The following PLXDC2 variants were observed in gnomAD, a reference collection of about 807,000 sequenced individuals.
PLXDC2 encodes plexin domain-containing protein 2.
A neutral mutation model predicts 68.9 loss-of-function variants in PLXDC2; 40 were observed. That is an observed-to-expected ratio of 0.58 (90% CI 0.45 to 0.76). The LOEUF is 0.76. Ranked by LOEUF, PLXDC2 falls within the 30% of genes least tolerant of loss-of-function variation. The pLI is 0.00. For synonymous variants in PLXDC2, 243 were observed against 234.2 expected, an observed-to-expected ratio of 1.04 and a Z score of -0.34; for missense variants, 644 against 661.9, an observed-to-expected ratio of 0.97 and a Z score of 0.30.
chr10:20,050,492 T>C (rs1463881754), intron 3 of PLXDC2, among the ~76,000 whole-genome samples: 2 of 151,938 alleles, frequency 1.3e-5, no homozygotes, highest in African/African-American at 2.4e-5. Flanking sequence ...CCAGCATCTA[T>C]AGGGAACTTA....
intron 13 of PLXDC2, among the ~76,000 whole-genome samples, chr10:20,261,310 T>G (rs571610532): frequency 6.6e-6 from 1 of 152,322 alleles, no homozygotes; most frequent in South Asian, 2.1e-4. Context: ...TTCTAGGAAT[T>G]TGATGGCTTC....
At chr10:20,178,992 A>T (rs755680879) in intron 9 of PLXDC2, among the ~76,000 whole-genome samples, 7 of 152,166 alleles carry the variant, frequency 4.6e-5, no homozygotes, top group Non-Finnish European at 1.0e-4. Context: ...AGTTTTCCAT[A>T]AAGATTATAT....
chr10:20,277,105 A>G (rs1489707215), intron 13 of PLXDC2, among the ~76,000 whole-genome samples: 1 of 147,632 alleles, frequency 6.8e-6, no homozygotes, highest in East Asian at 2.1e-4. Flanking sequence ...GCTACTCAGG[A>G]GGCTGAGGCA....
chr10:20,051,224 A>T (rs566709318), intron 3 of PLXDC2, among the ~76,000 whole-genome samples: 127 of 151,726 alleles, frequency 8.4e-4, no homozygotes, highest in African/African-American at 2.9e-3. Context: ...CAGACGCCGG[A>T]GTCTACTTAA....
At chr10:20,154,028 A>T (rs16919963) in intron 6 of PLXDC2, among the ~76,000 whole-genome samples, 93,030 of 151,860 alleles carry the variant, frequency 0.61, 28,859 homozygotes, top group Middle Eastern at 0.71. Flanking sequence ...ATAATTTTTT[A>T]AATGAAAGAA....
chr10:20,087,190 G>T (rs752956827), intron 4 of PLXDC2, among the ~76,000 whole-genome samples: 3 of 152,156 alleles, frequency 2.0e-5, no homozygotes, highest in Non-Finnish European at 4.4e-5. Flanking sequence ...TTGTAGCAAG[G>T]CTAGGCAGGT....
intron 5 of PLXDC2, among the ~76,000 whole-genome samples, chr10:20,145,589 G>A (rs1189063330): frequency 2.6e-5 from 4 of 151,968 alleles, no homozygotes; most frequent in Admixed American, 1.3e-4. Context: ...TCACTCTGTC[G>A]CCCAGGCTGG....
intron 1 of PLXDC2, among the ~76,000 whole-genome samples, chr10:19,898,238 G>C (rs1203655960): frequency 6.6e-6 from 1 of 152,112 alleles, no homozygotes; most frequent in Non-Finnish European, 1.5e-5. Flanking sequence ...ACATGTGCAG[G>C]CTTGTTACTA....
intron 1 of PLXDC2, among the ~76,000 whole-genome samples, chr10:19,877,242 G>T (rs551310514): frequency 6.6e-6 from 1 of 151,198 alleles, no homozygotes; most frequent in Admixed American, 6.6e-5. Flanking sequence ...AAGAGAGAGA[G>T]GGAGGGGAGA....
chr10:20,079,730 C>A (rs775931225), intron 4 of PLXDC2, among the ~76,000 whole-genome samples: 1 of 151,910 alleles, frequency 6.6e-6, no homozygotes, highest in African/African-American at 2.4e-5. Flanking sequence ...GGGAGTTGAA[C>A]AATAAGAACA....
chr10:20,179,216 T>C (rs1389798864), intron 9 of PLXDC2, among the ~76,000 whole-genome samples: 1 of 152,138 alleles, frequency 6.6e-6, no homozygotes, highest in Non-Finnish European at 1.5e-5. Flanking sequence ...CTATCAGCTA[T>C]GTTTCTTTGC....
intron 13 of PLXDC2, among the ~76,000 whole-genome samples, chr10:20,269,051 A>C (rs1332104253): frequency 1.3e-5 from 2 of 152,206 alleles, no homozygotes; most frequent in Admixed American, 1.3e-4. Flanking sequence ...GTATCACAGA[A>C]AATTAGTCAA....
At chr10:20,043,402 C>T (rs530401203) in intron 2 of PLXDC2, 4 of 152,196 alleles carry the variant, frequency 2.6e-5, no homozygotes, top group Admixed American at 6.5e-5. Context: ...TAGACTAAAT[C>T]GTGTATATTT....
chr10:20,217,596 CTTTTTTTTT>C lies in PLXDC2; in HGVS notation c.1273+40_1273+48del, dbSNP rs66483508. 7.0e-4 allele frequency: 552 copies of C among 784,432 alleles called. No individual in the cohort carries two copies. Among genetic ancestry groups the C allele is most frequent in the Middle Eastern group, 1.7e-3 (3 of 1,744 alleles). The allele number at this position is 784,432 out of a possible 1,614,324, so 48.6% of individuals were successfully genotyped here. ...CAGAAGGTACCCAAGAGATAGTTTG[CTTTTTTTTT>C]TTTTTTTTTTTTTTTTTTTCCCTGA... On this transcript the variant is annotated intron_variant, in intron 11 of 13. Coordinates refer to ENST00000377252, the MANE Select transcript of PLXDC2 (RefSeq NM_032812.9).
intron 3 of PLXDC2, among the ~76,000 whole-genome samples, chr10:20,056,525 A>G (rs2131694411): frequency 6.6e-6 from 1 of 152,320 alleles, no homozygotes; most frequent in South Asian, 2.1e-4. Flanking sequence ...CATGCATATT[A>G]CTAATAATTG....
intron 13 of PLXDC2, among the ~76,000 whole-genome samples, chr10:20,259,293 A>T (rs958088258): frequency 6.6e-6 from 1 of 152,202 alleles, no homozygotes; most frequent in African/African-American, 2.4e-5. Flanking sequence ...TTGTTGAAAG[A>T]TTTTATGGTA....
At chr10:19,890,190 G>C (rs374342725) in intron 1 of PLXDC2, among the ~76,000 whole-genome samples, 1 of 152,128 alleles carries the variant, frequency 6.6e-6, no homozygotes. Context: ...CCATAGTCAT[G>C]ATAGAGAACT....
chr10:20,134,956 G>A lies in PLXDC2; in HGVS notation c.542-8339G>A, dbSNP rs116508513. On this transcript the variant is annotated intron_variant, in intron 4 of 13. Transcript: ENST00000377252. ...TGGAGGGTATATTTCTCTGCACTGG[G>A]TTGCATAGGCTTGGAGAAGACTTGA... 3.3e-3 allele frequency among the ~76,000 whole-genome samples: 505 copies of A among 152,274 alleles called. 2 individuals are homozygous for A. Among genetic ancestry groups the A allele is most frequent in the African/African-American group, 0.012 (490 of 41,548 alleles).
intron 4 of PLXDC2, among the ~76,000 whole-genome samples, chr10:20,122,881 G>C (rs1833718659): frequency 6.6e-6 from 1 of 152,180 alleles, no homozygotes; most frequent in South Asian, 2.1e-4. Context: ...TTGAGAATAA[G>C]ACGGCCTTTT....
Sources: allele counts gnomAD v4.1 joint callset (sites outside exome capture counted in the v4.1 genomes callset), GRCh38; gene constraint gnomAD v4.1.1; transcripts MANE v1.5; gene names NCBI Gene and HGNC (gene_info 2026-07-23, HGNC 2026-07-21).